The following WBP2NL variants were observed in gnomAD, a reference collection of about 807,000 sequenced individuals.
The protein encoded by WBP2NL is postacrosomal sheath WW domain-binding protein.
Under a neutral mutation model 23.3 loss-of-function variants are expected in WBP2NL, and 27 were observed. That is an observed-to-expected ratio of 1.16 (90% CI 0.85 to 1.60). The LOEUF is 1.60. Ranked by LOEUF, WBP2NL falls within the 40% of genes most tolerant of loss-of-function variation. WBP2NL has a pLI of 0.00. For missense variants in WBP2NL, 370 were observed against 389.5 expected (o/e 0.95, Z 0.42); for synonymous variants, 151 against 145.9 (o/e 1.03, Z -0.25).
At chr22:42,045,592 A>G (rs1483963793) in intron 8 of WBP2NL, among the ~76,000 whole-genome samples, 1 of 152,242 alleles carries the variant, frequency 6.6e-6, no homozygotes, top group Non-Finnish European at 1.5e-5. Flanking sequence ...TATTGTGAAC[A>G]GCTCTCTGCC....
chr22:42,010,274 T>G (rs1210388287), intron 1 of WBP2NL, among the ~76,000 whole-genome samples: 1 of 152,224 alleles, frequency 6.6e-6, no homozygotes, highest in South Asian at 2.1e-4. Flanking sequence ...TCCTTCCAAA[T>G]TTGAATACCA....
At chr22:42,005,879 G>A (rs1015910680) in intron 1 of WBP2NL, among the ~76,000 whole-genome samples, 4 of 152,188 alleles carry the variant, frequency 2.6e-5, no homozygotes, top group South Asian at 4.1e-4. Context: ...CAATCAAAAC[G>A]GTGGCTACAA....
In WBP2NL at chr22:42,024,529, C is replaced by G. The variant is rs918240553; in HGVS notation, c.514+2173C>G. Among the ~76,000 whole-genome samples the G allele has an allele frequency of 2.0e-5, 3 of 152,124 alleles. No homozygotes were observed. The East Asian group carries it at 5.8e-4, about 29-fold the overall frequency. On this transcript the variant is annotated intron_variant, in intron 5 of 5. Coordinates refer to ENST00000328823, the MANE Select transcript of WBP2NL (RefSeq NM_152613.3). ...TTAAAAAAAAAAATCTATATTAAAG[C>G]CATTCTAGTGGGTATGAAGTGGTAT...
intron 1 of WBP2NL, among the ~76,000 whole-genome samples, chr22:42,009,001 G>A (rs1396933001): frequency 1.3e-5 from 2 of 151,918 alleles, no homozygotes; most frequent in Non-Finnish European, 2.9e-5. Context: ...GGATGGTCTC[G>A]ATCTCCTGAT....
intron 8 of WBP2NL, among the ~76,000 whole-genome samples, chr22:42,040,260 T>C (rs1244169581): frequency 2.7e-5 from 4 of 150,820 alleles, no homozygotes; most frequent in African/African-American, 9.8e-5. Context: ...TCTTGCTCTG[T>C]TGCCTAGGCT....
rs372144594 is a variant in WBP2NL, at chr22:42,019,653, C to A, written c.172-9C>A. The A allele has an allele frequency of 6.7e-4, 1,078 of 1,613,786 alleles. No individual in the cohort carries two copies. Among genetic ancestry groups the A allele is most frequent in the Non-Finnish European group, 8.2e-4 (971 of 1,179,976 alleles). ...GCATTCCTTTTCCAAAGTTTCTGTC[C>A]TTGCGTAGGTGATTTTCATAACTTC... On this transcript the variant is annotated splice_polypyrimidine_tract_variant and intron_variant, in intron 2 of 5. Transcript: ENST00000328823.
intron 1 of WBP2NL, among the ~76,000 whole-genome samples, chr22:42,017,884 C>T (rs1485312496): frequency 6.6e-6 from 1 of 152,004 alleles, no homozygotes; most frequent in East Asian, 1.9e-4. Flanking sequence ...TGCAGTGGCT[C>T]ACGCCTGTAA....
intron 1 of WBP2NL, among the ~76,000 whole-genome samples, chr22:42,006,677 C>G (rs192682303): frequency 1.8e-3 from 273 of 152,318 alleles, no homozygotes; most frequent in African/African-American, 6.4e-3. Context: ...TCATAGCTTA[C>G]TAAAGTGTCT....
downstream of WBP2NL, among the ~76,000 whole-genome samples, chr22:42,033,838 G>A (rs768726472): frequency 6.6e-5 from 10 of 152,310 alleles, no homozygotes; most frequent in Non-Finnish European, 1.0e-4. Flanking sequence ...AGGGGAAGAA[G>A]TACATATCGA....
chr22:42,020,126 C>G, intron 4 of WBP2NL, 30 bp downstream of exon 4: 1 of 1,580,702 alleles, frequency 6.3e-7, no homozygotes, highest in Non-Finnish European at 8.6e-7. Context: ...ATATTAAGCA[C>G]TTTGGGGTTT....
downstream of WBP2NL, among the ~76,000 whole-genome samples, chr22:42,028,856 G>A (rs1034403524): frequency 1.3e-5 from 2 of 152,194 alleles, no homozygotes; most frequent in African/African-American, 4.8e-5. Flanking sequence ...AGGAGACATA[G>A]GACAATTAAG....
chr22:42,008,239 C>CA (rs1300957724), intron 1 of WBP2NL, among the ~76,000 whole-genome samples: 1 of 135,770 alleles, frequency 7.4e-6, no homozygotes, highest in African/African-American at 2.7e-5. Context: ...GACAGAGTCT[C>CA]ACTCTGTCAC....
intron 1 of WBP2NL, among the ~76,000 whole-genome samples, chr22:42,009,201 A>G (rs1205232486): frequency 6.6e-6 from 1 of 152,196 alleles, no homozygotes; most frequent in Non-Finnish European, 1.5e-5. Context: ...AGCTCTTTAC[A>G]TACTCTAGAT....
chr22:42,003,877 T>C (rs1312209916), intron 1 of WBP2NL, among the ~76,000 whole-genome samples: 4 of 152,240 alleles, frequency 2.6e-5, no homozygotes, highest in African/African-American at 7.2e-5. Context: ...ATCAAATTTA[T>C]GGTAAACCTT....
At chr22:42,020,866 GTGTATATATATATATATATATATA>G (rs1923849294) in intron 4 of WBP2NL, among the ~76,000 whole-genome samples, 2 of 15,590 alleles carry the variant, frequency 1.3e-4, no homozygotes, top group South Asian at 2.9e-3. Flanking sequence ...GTGTGTGTGT[GTGTATATATATATATATATATATA>G]TATATATATA....
downstream of WBP2NL, among the ~76,000 whole-genome samples, chr22:42,037,165 T>G (rs1487835416): frequency 6.8e-6 from 1 of 146,956 alleles, no homozygotes; most frequent in Non-Finnish European, 1.5e-5. Context: ...TGTGTGTGTG[T>G]AGATACCCAG....
intron 1 of WBP2NL, chr22:42,003,203 T>C: frequency 1.4e-5 from 1 of 71,554 alleles, no homozygotes; most frequent in Non-Finnish European, 3.6e-5. Flanking sequence ...TTACATTGGT[T>C]CTCTCCAGAG....
At chr22:42,026,734 CTG>C in intron 5 of WBP2NL, 30 bp from the exon 6 acceptor site, 1 of 1,599,026 alleles carries the variant, frequency 6.3e-7, no homozygotes, top group Non-Finnish European at 8.5e-7. Context: ...TTAAAGGTAA[CTG>C]AATTTTTTTC....
Position 42,024,505 on chromosome 22 carries a change from T to A in WBP2NL, c.514+2149T>A, listed in dbSNP as rs534982424. ...TCAGCAACACTTATCTTCCTTTTTT[T>A]AAAAAAAAAAATCTATATTAAAGCC... On this transcript the variant is annotated intron_variant, in intron 5 of 5. Transcript: ENST00000328823. 8.5e-3 allele frequency among the ~76,000 whole-genome samples: 1,272 copies of A among 149,390 alleles called. 9 individuals are homozygous for A. The highest frequency in any genetic ancestry group is 0.027 in the African/African-American group (1,101 of 41,008).
Sources: gnomAD v4.1 joint callset for allele counts (sites outside exome capture counted in the v4.1 genomes callset) on GRCh38, gnomAD v4.1.1 for gene constraint, MANE v1.5 for transcripts, NCBI Gene and HGNC (gene_info 2026-07-23, HGNC 2026-07-21) for gene names.